The following TOM1L2 variants were observed in gnomAD, a reference collection of about 807,000 sequenced individuals.
TOM1L2 encodes the protein target of myb1 like 2 membrane trafficking protein, also known as TOM1-like protein 2.
In TOM1L2, 31 loss-of-function variants were observed where a neutral mutation model predicts 67.9. The observed-to-expected ratio is 0.46, with a 90% CI of 0.34 to 0.62. TOM1L2 has a LOEUF of 0.62. TOM1L2 is among the 20% of genes least tolerant of loss of function. The pLI is 0.01. For missense variants in TOM1L2, 606 were observed against 663.5 expected (o/e 0.91, Z 0.95); for synonymous variants, 256 against 254.0 (o/e 1.01, Z -0.07).
intron 1 of TOM1L2, among the ~76,000 whole-genome samples, chr17:17,919,590 C>A (rs1216663383): frequency 1.3e-5 from 2 of 152,150 alleles, no homozygotes; most frequent in Non-Finnish European, 2.9e-5. Flanking sequence ...TAGAGACCAT[C>A]TAGTAAAAAG....
Position 17,845,432 on chromosome 17 carries a change from A to C in TOM1L2, c.*2203T>G, listed in dbSNP as rs961415550. ...CTGGGGGCTCCCCAGGAGGGCGCCT[A>C]TTTCAGCTTCACGCACTATGGAATC... is the stretch of plus-strand genomic sequence containing the variant. On this transcript the variant is annotated 3_prime_UTR_variant, in exon 15 of 15. Coordinates refer to ENST00000379504, the MANE Select transcript of TOM1L2 (RefSeq NM_001082968.2). 2 of 152,190 alleles carry C rather than the reference A, an allele frequency of 1.3e-5. No individual in the cohort carries two copies. The highest frequency in any genetic ancestry group is 2.9e-5 in the Non-Finnish European group (2 of 68,020). 9.4% of individuals were successfully genotyped at this position (152,190 alleles called of 1,614,324 possible). A position where few individuals can be genotyped will look rare whatever the true frequency, so the allele number is the denominator to read the frequency against.
intron 1 of TOM1L2, among the ~76,000 whole-genome samples, chr17:17,945,698 T>C (rs1159897379): frequency 6.6e-6 from 1 of 152,202 alleles, no homozygotes; most frequent in African/African-American, 2.4e-5. Flanking sequence ...TGCATAGCTA[T>C]AATTCAGCAC....
intron 8 of TOM1L2, among the ~76,000 whole-genome samples, chr17:17,867,547 C>G (rs1226944686): frequency 9.9e-5 from 15 of 152,208 alleles, no homozygotes; most frequent in Admixed American, 9.2e-4. Context: ...AAGGCCAGGT[C>G]ATCCTCCTGT....
chr17:17,903,552 G>A (rs1486721526), intron 2 of TOM1L2, among the ~76,000 whole-genome samples: 1 of 151,038 alleles, frequency 6.6e-6, no homozygotes, highest in African/African-American at 2.4e-5. Flanking sequence ...GGCGGAGCTT[G>A]CAGTGAGCCG....
In TOM1L2 at chr17:17,883,557, AC is replaced by A. The variant is rs372280905; in HGVS notation, c.502-695del. 1.8e-4 allele frequency among the ~76,000 whole-genome samples: 27 copies of A among 152,040 alleles called. No homozygotes were observed. In the East Asian group the frequency reaches 4.9e-3, roughly 27 times the overall value. On this transcript the variant is annotated intron_variant, in intron 5 of 14. Coordinates refer to ENST00000379504, the MANE Select transcript of TOM1L2 (RefSeq NM_001082968.2). ...AGACCATCCTGGCTAACACAATGAA[AC>A]CCTGTCTCTACTAAAAATACAAAAA...
chr17:17,920,067 G>A (rs2039793802), intron 1 of TOM1L2, among the ~76,000 whole-genome samples: 1 of 152,030 alleles, frequency 6.6e-6, no homozygotes. Flanking sequence ...CACAATAGAC[G>A]GTCCAGAGTA....
At chr17:17,869,147 T>C in intron 8 of TOM1L2, 193 bp downstream of exon 8, 4 of 1,055,220 alleles carry the variant, frequency 3.8e-6, no homozygotes, top group Non-Finnish European at 5.3e-6. Flanking sequence ...CTGCTGCTTC[T>C]GCTGCTCAGT....
chr17:17,909,919 C>T (rs916466042), intron 1 of TOM1L2, among the ~76,000 whole-genome samples: 3 of 152,082 alleles, frequency 2.0e-5, no homozygotes, highest in Non-Finnish European at 4.4e-5. Context: ...GTCCTAACTA[C>T]TAATGAGGCT....
rs200213659 is a variant in TOM1L2 at position 17,866,452 on chromosome 17, G to A, written c.961-33C>T. On this transcript the variant is annotated intron_variant, in intron 9 of 14. Transcript: ENST00000379504. ...AACATGAGATTGGCCATAAGCCCCA[G>A]AACCCTGGAGTCAGGCTCTGAGGTA... 9 of 1,550,180 alleles carry A rather than the reference G, an allele frequency of 5.8e-6. No individual in the cohort carries two copies. The South Asian group carries it at 1.1e-4, about 19-fold the overall frequency.
chr17:17,954,212 G>A (rs779939927), intron 1 of TOM1L2, among the ~76,000 whole-genome samples: 1 of 152,166 alleles, frequency 6.6e-6, no homozygotes, highest in Non-Finnish European at 1.5e-5. Context: ...AAAGGAGGGA[G>A]TGGGAACGGC....
At chr17:17,946,138 A>T (rs576551559) in intron 1 of TOM1L2, among the ~76,000 whole-genome samples, 22 of 152,308 alleles carry the variant, frequency 1.4e-4, no homozygotes, top group Non-Finnish European at 3.2e-4. Flanking sequence ...TCAGCCTCCG[A>T]AAGTGCTGGG....
At chr17:17,905,017 A>C (rs537542944) in intron 2 of TOM1L2, among the ~76,000 whole-genome samples, 20 of 152,088 alleles carry the variant, frequency 1.3e-4, no homozygotes, top group African/African-American at 4.6e-4. Context: ...GGGGTCAGTA[A>C]ACATGGCCAG....
chr17:17,964,898 G>A (rs1375348228), intron 1 of TOM1L2, among the ~76,000 whole-genome samples: 3 of 152,230 alleles, frequency 2.0e-5, no homozygotes, highest in Admixed American at 1.3e-4. Flanking sequence ...GCAGGAGGAG[G>A]AGCAGGCTGA....
chr17:17,926,076 T>C (rs151331597), intron 1 of TOM1L2, among the ~76,000 whole-genome samples: 1 of 150,428 alleles, frequency 6.6e-6, no homozygotes, highest in African/African-American at 2.4e-5. Flanking sequence ...CAGGCTGAGG[T>C]GAGAGGATCA....
chr17:17,969,859 TTC>T (rs10555800), intron 1 of TOM1L2, among the ~76,000 whole-genome samples: 74,059 of 150,020 alleles, frequency 0.49, 19,097 homozygotes, highest in East Asian at 0.8. Flanking sequence ...ATAGGAATCT[TTC>T]TCTCTCTCTC....
Position 17,954,136 on chromosome 17 carries a change from T to C in TOM1L2, c.52+18126A>G, listed in dbSNP as rs563018969. 1.9e-3 allele frequency among the ~76,000 whole-genome samples: 292 copies of C among 152,348 alleles called. 2 individuals carry two copies. Among genetic ancestry groups the C allele is most frequent in the Non-Finnish European group, 3.7e-3 (253 of 68,028 alleles). ...TCTAGGTTAGGTTTCAAAGGGTATA[T>C]TGGTCTAAACCATGAGCAAGAGAGA... On this transcript the variant is annotated intron_variant, in intron 1 of 14. Transcript: ENST00000379504.
intron 5 of TOM1L2, 69 bp from the exon 6 acceptor site, chr17:17,882,932 C>T (rs1420996774): frequency 2.5e-6 from 4 of 1,577,308 alleles, no homozygotes; most frequent in South Asian, 1.2e-5. Context: ...GTACCTACCC[C>T]ACCCCATGCA....
At chr17:17,863,870 T>C (rs552372801) in intron 10 of TOM1L2, among the ~76,000 whole-genome samples, 1 of 151,946 alleles carries the variant, frequency 6.6e-6, no homozygotes, top group South Asian at 2.1e-4. Context: ...TTTGTTGTTG[T>C]TGTTGTTTTG....
intron 10 of TOM1L2, among the ~76,000 whole-genome samples, chr17:17,864,913 C>T (rs1008443760): frequency 2.8e-4 from 43 of 152,058 alleles, no homozygotes; most frequent in Admixed American, 2.6e-4. Context: ...TGAGAAGCTA[C>T]AATTACAGCA....
Sources: allele counts gnomAD v4.1 joint callset (sites outside exome capture counted in the v4.1 genomes callset), GRCh38; gene constraint gnomAD v4.1.1; transcripts MANE v1.5; gene names NCBI Gene and HGNC (gene_info 2026-07-23, HGNC 2026-07-21).